NAP1L4: variants seen among roughly 807,000 people sequenced by gnomAD.
The protein encoded by NAP1L4 is nucleosome assembly protein 1 like 4, also known as nucleosome assembly protein 1-like 4.
NAP1L4 carries 15 observed loss-of-function variants against 58.2 expected under a neutral mutation model. The observed-to-expected ratio is 0.26, with a 90% CI of 0.17 to 0.40. The LOEUF is 0.40. NAP1L4 is among the 10% of genes least tolerant of loss of function. The pLI is 1.00. For synonymous variants in NAP1L4, 171 were observed against 155.6 expected, an observed-to-expected ratio of 1.10 and a Z score of -0.74; for missense variants, 384 against 451.1, an observed-to-expected ratio of 0.85 and a Z score of 1.35.
rs1564969274 is a variant in NAP1L4, at chr11:2,945,580, CGGTCT to C, written c.*94_*98del. The C allele has an allele frequency of 6.5e-7, 1 of 1,535,182 alleles. No homozygotes were observed. Among genetic ancestry groups the C allele is most frequent in the South Asian group, 1.2e-5 (1 of 84,010 alleles). On this transcript the variant is annotated 3_prime_UTR_variant, in exon 16 of 16. Transcript: ENST00000380542. ...CCCACAGGCCTGGAGTCCCGACAGCCGGTCTGCCAGGCACCCGCCTCCGCTTCCTA... is the reference window on the plus strand; with the variant it reads ...CCCACAGGCCTGGAGTCCCGACAGCCGCCAGGCACCCGCCTCCGCTTCCTA...
At chr11:2,980,628 G>A (rs1373188333) in intron 1 of NAP1L4, among the ~76,000 whole-genome samples, 3 of 152,104 alleles carry the variant, frequency 2.0e-5, no homozygotes, top group African/African-American at 4.8e-5. Context: ...TGAGGGCCTC[G>A]CTAAACGGTT....
intron 1 of NAP1L4, among the ~76,000 whole-genome samples, chr11:2,988,520 A>G (rs186290304): frequency 6.6e-6 from 1 of 152,262 alleles, no homozygotes; most frequent in African/African-American, 2.4e-5. Flanking sequence ...GAAGATGCTC[A>G]TGAATAAGTA....
chr11:2,987,665 G>A (rs550462536), intron 1 of NAP1L4, among the ~76,000 whole-genome samples: 1 of 135,154 alleles, frequency 7.4e-6, no homozygotes, highest in African/African-American at 3.6e-5. Context: ...GCTGAGACAG[G>A]AGAATTGCTT....
rs1318872049 is a variant in NAP1L4, at chr11:2,971,062, T to A, written c.402+386A>T. Among the ~76,000 whole-genome samples the A allele has an allele frequency of 6.6e-6, 1 of 152,176 alleles. No individual in the cohort carries two copies. Among genetic ancestry groups the A allele is most frequent in the Non-Finnish European group, 1.5e-5 (1 of 68,034 alleles). On this transcript the variant is annotated intron_variant, in intron 6 of 15. Transcript: ENST00000380542. The surrounding 1 kb of genome is among the most constrained non-coding windows in gnomAD (Gnocchi z 4.2). ...GCAACCAATCCACTGGCGGAGCACCTCTCAGGGGGCAAGCTAGTCCATGCC... is the reference window on the plus strand; with the variant it reads ...GCAACCAATCCACTGGCGGAGCACCACTCAGGGGGCAAGCTAGTCCATGCC...
intron 4 of NAP1L4, among the ~76,000 whole-genome samples, chr11:2,975,609 G>C (rs889457533): frequency 6.6e-6 from 1 of 151,914 alleles, no homozygotes; most frequent in Non-Finnish European, 1.5e-5. Flanking sequence ...AGGCTGGAGG[G>C]TAGTGAAAAC....
intron 1 of NAP1L4, among the ~76,000 whole-genome samples, chr11:2,979,504 G>C (rs1848175184): frequency 6.6e-6 from 1 of 152,154 alleles, no homozygotes. Context: ...CTGGCGCGGT[G>C]GTTCACGCCT....
At chr11:2,975,919 C>T (rs145655417) in intron 4 of NAP1L4, 105 bp downstream of exon 4, 106 of 1,004,356 alleles carry the variant, frequency 1.1e-4, no homozygotes, top group Non-Finnish European at 1.3e-4. Flanking sequence ...TGTCTTGGAA[C>T]GAAAAAAACA....
chr11:2,975,631 C>T (rs1233837272), intron 4 of NAP1L4, among the ~76,000 whole-genome samples: 1 of 151,786 alleles, frequency 6.6e-6, no homozygotes, highest in East Asian at 1.9e-4. Flanking sequence ...CATAGGCATG[C>T]GGCACTATGC....
chr11:2,964,495 C>T (rs1036720130), intron 8 of NAP1L4, among the ~76,000 whole-genome samples, 185 bp downstream of exon 8: 1 of 152,214 alleles, frequency 6.6e-6, no homozygotes, highest in African/African-American at 2.4e-5. Flanking sequence ...CCCCATCGAA[C>T]TCAGGGAGCA....
At chr11:2,983,465 C>T (rs1214478875) in intron 1 of NAP1L4, among the ~76,000 whole-genome samples, 2 of 152,102 alleles carry the variant, frequency 1.3e-5, no homozygotes, top group African/African-American at 4.8e-5. Flanking sequence ...GATCCTCCCA[C>T]CTTAGCCTCT....
intron 7 of NAP1L4, among the ~76,000 whole-genome samples, chr11:2,966,172 T>C (rs1423852324): frequency 6.6e-6 from 1 of 152,226 alleles, no homozygotes; most frequent in Non-Finnish European, 1.5e-5. Context: ...TAAATCATTT[T>C]TTCTCTTTTT....
At chr11:2,956,344 G>C (rs748588304) in intron 10 of NAP1L4, among the ~76,000 whole-genome samples, 3 of 152,188 alleles carry the variant, frequency 2.0e-5, no homozygotes, top group Non-Finnish European at 2.9e-5. Context: ...CACCAAGACA[G>C]ATAGGGACTT....
At position 2,954,124 on chromosome 11, in the gene NAP1L4, A is replaced by G. The variant is rs925813977; in HGVS notation, c.1035+403T>C. Among the ~76,000 whole-genome samples, 1 of 152,080 alleles carries G rather than the reference A, an allele frequency of 6.6e-6. No homozygotes were observed. The highest frequency in any genetic ancestry group is 1.5e-5 in the Non-Finnish European group (1 of 68,008). ...ATTAGATAGAAGTTCAGGAATTTCT[A>G]TTTCTTTTGGGTTGATGAACCACAG... is the stretch of plus-strand genomic sequence containing the variant. On this transcript the variant is annotated intron_variant, in intron 12 of 15. Coordinates refer to ENST00000380542, the MANE Select transcript of NAP1L4 (RefSeq NM_005969.4). The surrounding 1 kb of genome is among the most constrained non-coding windows in gnomAD (Gnocchi z 4.8).
intron 15 of NAP1L4, among the ~76,000 whole-genome samples, chr11:2,945,945 T>C (rs527893258): frequency 1.3e-5 from 2 of 152,042 alleles, no homozygotes; most frequent in Admixed American, 6.6e-5. Flanking sequence ...GGCCTGCCCA[T>C]GAAAGGGCTG....
Position 2,971,615 on chromosome 11 carries a change from A to G in NAP1L4, c.316-81T>C. 3 of 1,097,982 alleles carry G rather than the reference A, an allele frequency of 2.7e-6. No individual in the cohort carries two copies. Among genetic ancestry groups the G allele is most frequent in the Non-Finnish European group, 3.9e-6 (3 of 765,754 alleles). The allele number at this position is 1,097,982 out of a possible 1,614,324, so 68.0% of individuals were successfully genotyped here. On this transcript the variant is annotated intron_variant, in intron 5 of 15. Coordinates refer to ENST00000380542, the MANE Select transcript of NAP1L4 (RefSeq NM_005969.4). This position sits in a 1 kb window ranked among gnomAD's most constrained non-coding sequence, Gnocchi z 4.2. ...AGAGTTAAATTTATAAATAATGTCTACTAAAAGACTTTGAAAACTGGATAT... is the reference window on the plus strand; with the variant it reads ...AGAGTTAAATTTATAAATAATGTCTGCTAAAAGACTTTGAAAACTGGATAT...
At chr11:2,980,627 C>G (rs188960698) in intron 1 of NAP1L4, among the ~76,000 whole-genome samples, 1 of 152,152 alleles carries the variant, frequency 6.6e-6, no homozygotes, top group African/African-American at 2.4e-5. Context: ...CTGAGGGCCT[C>G]GCTAAACGGT....
chr11:2,955,060 A>G lies in NAP1L4; in HGVS notation c.916-414T>C, dbSNP rs1174850678. ...CCAGAGTTTTAGGAAACAGAAATGG[A>G]TTTTTTTTTTTTAAGAGACAGGGTC... On this transcript the variant is annotated intron_variant, in intron 11 of 15. Coordinates refer to ENST00000380542, the MANE Select transcript of NAP1L4 (RefSeq NM_005969.4). The surrounding 1 kb of genome is among the most constrained non-coding windows in gnomAD (Gnocchi z 4.2). Among the ~76,000 whole-genome samples, 2 of 147,710 alleles carry G rather than the reference A, an allele frequency of 1.4e-5. No individual in the cohort carries two copies. Among genetic ancestry groups the G allele is most frequent in the East Asian group, 3.9e-4 (2 of 5,100 alleles).
chr11:2,953,039 T>C (rs1172179282), intron 12 of NAP1L4, among the ~76,000 whole-genome samples: 10 of 152,324 alleles, frequency 6.6e-5, no homozygotes, highest in Admixed American at 5.9e-4. Context: ...GTCTTTACCA[T>C]GAGCTCTACT....
At chr11:2,956,136 C>T (rs1055349688) in intron 10 of NAP1L4, among the ~76,000 whole-genome samples, 3 of 152,218 alleles carry the variant, frequency 2.0e-5, no homozygotes, top group African/African-American at 7.2e-5. Flanking sequence ...TAACTCATGT[C>T]CCGCAGAACT....
Sources: allele counts gnomAD v4.1 joint callset (sites outside exome capture counted in the v4.1 genomes callset), GRCh38; gene constraint gnomAD v4.1.1; non-coding constraint Gnocchi (gnomAD v3.1); transcripts MANE v1.5; gene names NCBI Gene and HGNC (gene_info 2026-07-23, HGNC 2026-07-21).